LRP1B: variants seen among roughly 807,000 people sequenced by gnomAD.
The protein encoded by LRP1B is low-density lipoprotein receptor-related protein 1B.
In LRP1B, 217 loss-of-function variants were observed where a neutral mutation model predicts 556.6. The observed-to-expected ratio is 0.39, with a 90% confidence interval of 0.35 to 0.44. The LOEUF (loss-of-function observed/expected upper bound fraction) is 0.44. Among genes scored for constraint, LRP1B ranks in the 20% least tolerant of loss-of-function variants. The probability of loss-of-function intolerance (pLI) is 1.00; values close to 1 mark genes in which losing one functional copy is unlikely to be tolerated. For missense variants in LRP1B, 5,053 were observed against 5,620.8 expected (o/e 0.90, Z 3.23); for synonymous variants, 2,047 against 1,865.8 (o/e 1.10, Z -2.50).
In LRP1B at chr2:140,950,389, C is replaced by G. The variant is rs1467453921; in HGVS notation, c.2982G>C (p.Gly994=). Residue 994 remains glycine (G), a synonymous_variant, in exon 20 of 91, where the codon GGG becomes GGC. Transcript: ENST00000389484. ...KWHCDSDDDC[G]DGSDEVGCVH... is the part of the protein sequence containing the mutation. ...CACAGCCCACCTCATCACTCCCGTC[C>G]CCACAGTCGTCATCTGGAAAGAAAC... 6.2e-7 allele frequency: 1 copy of G among 1,601,644 alleles called. No homozygotes were observed. Among genetic ancestry groups the G allele is most frequent in the Admixed American group, 1.8e-5 (1 of 56,710 alleles).
intron 1 of LRP1B, among the ~76,000 whole-genome samples, chr2:141,833,353 A>G (rs1278793261): frequency 6.6e-6 from 1 of 151,840 alleles, no homozygotes; most frequent in Admixed American, 6.6e-5. Flanking sequence ...AGAGTGTATT[A>G]TTAATTTCAC....
intron 1 of LRP1B, among the ~76,000 whole-genome samples, chr2:141,961,393 T>G (rs1701400986): frequency 6.6e-6 from 1 of 151,718 alleles, no homozygotes; most frequent in African/African-American, 2.4e-5. Context: ...GGTTTAAAAT[T>G]CTGAATATAC....
intron 5 of LRP1B, among the ~76,000 whole-genome samples, chr2:141,244,769 A>G (rs1256745450): frequency 6.6e-6 from 1 of 152,154 alleles, no homozygotes; most frequent in African/African-American, 2.4e-5. Context: ...GACCTTTAGA[A>G]CTTGCCAGTG....
At chr2:141,922,686 C>T (rs560570732) in intron 1 of LRP1B, among the ~76,000 whole-genome samples, 3 of 152,256 alleles carry the variant, frequency 2.0e-5, no homozygotes, top group East Asian at 3.9e-4. Flanking sequence ...TTTAAATCAA[C>T]AGCTATAGAG....
rs541791352 is a variant in LRP1B, at chr2:141,691,561, A to G, written c.205+118718T>C. Among the ~76,000 whole-genome samples the G allele has an allele frequency of 2.5e-3, 376 of 151,428 alleles. 2 individuals carry two copies. The highest frequency in any genetic ancestry group is 8.9e-3 in the African/African-American group (368 of 41,274). On this transcript the variant is annotated intron_variant, in intron 2 of 90. Coordinates refer to ENST00000389484, the MANE Select transcript of LRP1B (RefSeq NM_018557.3). ...CATGATCCCAGCCCTGAAGGATCCC[A>G]TACTTTCAGTATGTCAAAGCAAATG...
chr2:141,363,933 G>A (rs920652979), intron 3 of LRP1B, among the ~76,000 whole-genome samples: 1 of 152,032 alleles, frequency 6.6e-6, no homozygotes, highest in Non-Finnish European at 1.5e-5. Context: ...ACAAAGATAA[G>A]TTCAGCATAA....
intron 73 of LRP1B, 36 bp downstream of exon 73, chr2:140,358,785 G>C (rs1180172360): frequency 6.3e-7 from 1 of 1,598,730 alleles, no homozygotes; most frequent in Non-Finnish European, 8.6e-7. Flanking sequence ...GAACCTCATA[G>C]CCATCACTGA....
At chr2:141,482,874 C>A (rs1254348326) in intron 2 of LRP1B, among the ~76,000 whole-genome samples, 2 of 152,082 alleles carry the variant, frequency 1.3e-5, no homozygotes, top group African/African-American at 4.8e-5. Context: ...ACCTGAGAAA[C>A]TTCAGAAATG....
intron 3 of LRP1B, among the ~76,000 whole-genome samples, chr2:141,462,137 G>A (rs1681900621): frequency 6.6e-6 from 1 of 152,124 alleles, no homozygotes; most frequent in South Asian, 2.1e-4. Context: ...ACAATGTGTT[G>A]TCTTTTATTT....
chr2:141,423,131 T>C (rs1386897757), intron 3 of LRP1B, among the ~76,000 whole-genome samples: 1 of 152,110 alleles, frequency 6.6e-6, no homozygotes, highest in Non-Finnish European at 1.5e-5. Flanking sequence ...ATTTGTTCTC[T>C]TTAATGATCT....
intron 2 of LRP1B, among the ~76,000 whole-genome samples, chr2:141,765,005 C>T (rs1057371366): frequency 6.6e-6 from 1 of 151,996 alleles, no homozygotes; most frequent in African/African-American, 2.4e-5. Flanking sequence ...ATCCTATTGA[C>T]GATGATAAAA....
intron 20 of LRP1B, among the ~76,000 whole-genome samples, chr2:140,928,007 A>T (rs976963956): frequency 2.6e-5 from 4 of 151,888 alleles, no homozygotes; most frequent in African/African-American, 9.7e-5. Context: ...TGGCCTCTCA[A>T]AGTTCTGGGA....
chr2:141,167,327 G>C (rs1190862914), intron 7 of LRP1B: 2 of 151,762 alleles, frequency 1.3e-5, no homozygotes, highest in African/African-American at 4.8e-5. Flanking sequence ...TATCATTCCA[G>C]TTTTAGTATA....
chr2:140,577,072 A>C (rs1681555690), intron 43 of LRP1B, among the ~76,000 whole-genome samples: 1 of 152,132 alleles, frequency 6.6e-6, no homozygotes, highest in Non-Finnish European at 1.5e-5. Context: ...TTACCACACA[A>C]ATTCAGTCCA....
intron 14 of LRP1B, among the ~76,000 whole-genome samples, chr2:141,008,254 T>C (rs1223493131): frequency 6.6e-6 from 1 of 151,474 alleles, no homozygotes; most frequent in Non-Finnish European, 1.5e-5. Flanking sequence ...CTAGTTACTT[T>C]ACATATACAT....
intron 7 of LRP1B, among the ~76,000 whole-genome samples, chr2:141,089,602 C>T (rs561772946): frequency 2.5e-4 from 38 of 152,260 alleles, no homozygotes; most frequent in Admixed American, 1.0e-3. Flanking sequence ...CTAGGTTTAG[C>T]ATGCTACCAC....
At chr2:142,058,543 G>C (rs898619322) in intron 1 of LRP1B, among the ~76,000 whole-genome samples, 1 of 151,854 alleles carries the variant, frequency 6.6e-6, no homozygotes, top group African/African-American at 2.4e-5. Context: ...ACGTTATGAG[G>C]TTTTTTTTGC....
At chr2:141,434,997 CT>C (rs150430044) in intron 3 of LRP1B, among the ~76,000 whole-genome samples, 3,602 of 152,236 alleles carry the variant, frequency 0.024, 157 homozygotes, top group African/African-American at 0.083. Context: ...TAGCTTAAAG[CT>C]GTACCATAGA....
intron 1 of LRP1B, among the ~76,000 whole-genome samples, chr2:141,885,838 A>C (rs1004949358): frequency 1.3e-5 from 2 of 152,230 alleles, no homozygotes; most frequent in African/African-American, 4.8e-5. Flanking sequence ...AGCTTGTGGT[A>C]AATAAAAGTA....
Sources: gnomAD v4.1 joint callset for allele counts (sites outside exome capture counted in the v4.1 genomes callset) on GRCh38, gnomAD v4.1.1 for gene constraint, MANE v1.5 for transcripts, NCBI Gene and HGNC (gene_info 2026-07-23, HGNC 2026-07-21) for gene names.